The following TAFA1 variants were observed in gnomAD, a reference collection of about 807,000 sequenced individuals.
TAFA1 encodes the protein TAFA chemokine like family member 1, also known as chemokine-like protein TAFA-1.
A neutral mutation model predicts 18.5 loss-of-function variants in TAFA1; 4 were observed. The observed-to-expected ratio is 0.22, with a 90% CI of 0.11 to 0.49. The LOEUF is 0.49. TAFA1 is among the 20% of genes least tolerant of loss of function. TAFA1 has a pLI of 0.98. For missense variants in TAFA1, 147 were observed against 169.0 expected (o/e 0.87, Z 0.72); for synonymous variants, 56 against 55.2 (o/e 1.01, Z -0.06).
Position 68,538,824 on chromosome 3 carries a change from C to G in TAFA1, c.328C>G (p.Leu110Val). The change falls in exon 4 of 5, where the codon CTC (leucine) becomes GTC (valine). Residue 110 changes from leucine to valine, a missense_variant. Leu to Val is a conservative substitution (Grantham distance 32). Transcript: ENST00000478136. ...CCTAGAAGGAGAAGAATGTAAGACA[C>G]TCCCTGACAATTCTGGATGGATGTG... Reference protein sequence around the residue: ...PCLEGEECKTLPDNSGWMCAT... With the variant: ...PCLEGEECKTVPDNSGWMCAT... The G allele has an allele frequency of 6.2e-7, 1 of 1,613,532 alleles. No individual in the cohort carries two copies. Among genetic ancestry groups the G allele is most frequent in the Non-Finnish European group, 8.5e-7 (1 of 1,179,600 alleles).
At chr3:68,206,847 G>A (rs747143742) in intron 2 of TAFA1, among the ~76,000 whole-genome samples, 6 of 151,804 alleles carry the variant, frequency 4.0e-5, no homozygotes, top group Non-Finnish European at 5.9e-5. Flanking sequence ...ACCCTAGCCC[G>A]GAGAAAGAAA....
At chr3:68,302,873 G>C (rs749827677) in intron 2 of TAFA1, among the ~76,000 whole-genome samples, 5 of 152,082 alleles carry the variant, frequency 3.3e-5, no homozygotes, top group South Asian at 2.1e-4. Flanking sequence ...TCAAAATAAG[G>C]GTTCTAGAGC....
intron 2 of TAFA1, among the ~76,000 whole-genome samples, chr3:68,052,356 G>A (rs1184730034): frequency 6.6e-6 from 1 of 151,954 alleles, no homozygotes; most frequent in African/African-American, 2.4e-5. Context: ...TTTTGTTTTG[G>A]TACTCAAATT....
intron 2 of TAFA1, among the ~76,000 whole-genome samples, chr3:68,390,175 G>T (rs1252527807): frequency 6.6e-6 from 1 of 152,116 alleles, no homozygotes; most frequent in Non-Finnish European, 1.5e-5. Flanking sequence ...GGGGGAAGGG[G>T]CGTCCGCCAT....
At chr3:68,477,108 A>G (rs1417631160) in intron 3 of TAFA1, among the ~76,000 whole-genome samples, 2 of 152,068 alleles carry the variant, frequency 1.3e-5, no homozygotes, top group Non-Finnish European at 2.9e-5. Context: ...CTGACTTCTA[A>G]CACCATATAT....
chr3:68,506,214 T>C (rs2072750666), intron 3 of TAFA1, among the ~76,000 whole-genome samples: 2 of 152,162 alleles, frequency 1.3e-5, no homozygotes, highest in Non-Finnish European at 2.9e-5. Context: ...GCAAAGGACA[T>C]GAACTCATCC....
At chr3:68,233,068 T>C (rs1368974795) in intron 2 of TAFA1, among the ~76,000 whole-genome samples, 6 of 152,216 alleles carry the variant, frequency 3.9e-5, no homozygotes, top group Admixed American at 2.0e-4. Context: ...AGATGATATC[T>C]AATTGTGGTT....
chr3:68,013,211 T>A (rs1265969325), intron 2 of TAFA1, among the ~76,000 whole-genome samples: 1 of 152,170 alleles, frequency 6.6e-6, no homozygotes, highest in Non-Finnish European at 1.5e-5. Context: ...TTTGGTGGAA[T>A]CTTAAACTGT....
At chr3:68,106,170 A>G (rs6768833) in intron 2 of TAFA1, among the ~76,000 whole-genome samples, 74,125 of 151,718 alleles carry the variant, frequency 0.49, 18,864 homozygotes, top group South Asian at 0.63. Flanking sequence ...CAAAAAAAAA[A>G]GAACGAACGA....
chr3:68,152,696 C>T (rs1057256189), intron 2 of TAFA1, among the ~76,000 whole-genome samples: 4 of 152,142 alleles, frequency 2.6e-5, no homozygotes, highest in African/African-American at 9.7e-5. Flanking sequence ...CACCTCTCCT[C>T]TGTGTTGGCT....
chr3:68,329,079 C>A (rs1239437751), intron 2 of TAFA1, among the ~76,000 whole-genome samples: 5 of 150,466 alleles, frequency 3.3e-5, no homozygotes, highest in African/African-American at 4.9e-5. Context: ...TTGCTTGTGG[C>A]CACTTTTTTG....
At chr3:68,173,643 G>C (rs1318278592) in intron 2 of TAFA1, among the ~76,000 whole-genome samples, 1 of 152,126 alleles carries the variant, frequency 6.6e-6, no homozygotes, top group Non-Finnish European at 1.5e-5. Flanking sequence ...ATAGAATGGG[G>C]CATGGAGACC....
intron 2 of TAFA1, among the ~76,000 whole-genome samples, chr3:68,395,304 A>G (rs925551189): frequency 4.6e-5 from 7 of 152,174 alleles, no homozygotes; most frequent in Non-Finnish European, 2.9e-5. Context: ...GGTGCTGGAG[A>G]GGATGTGGAG....
intron 2 of TAFA1, among the ~76,000 whole-genome samples, chr3:68,149,193 A>G (rs931695057): frequency 6.6e-6 from 1 of 152,138 alleles, no homozygotes; most frequent in Non-Finnish European, 1.5e-5. Flanking sequence ...AATTTTCCCT[A>G]AGTGCTTACT....
intron 3 of TAFA1, among the ~76,000 whole-genome samples, chr3:68,535,278 A>T (rs2106782908): frequency 6.6e-6 from 1 of 152,052 alleles, no homozygotes; most frequent in East Asian, 1.9e-4. Flanking sequence ...CTCTTATGTA[A>T]TATTGTCATC....
chr3:68,292,335 G>A (rs953503735), intron 2 of TAFA1, among the ~76,000 whole-genome samples: 1 of 148,338 alleles, frequency 6.7e-6, no homozygotes, highest in African/African-American at 2.5e-5. Context: ...CATTGCTTGA[G>A]CCCGACAGAT....
chr3:68,328,553 G>A (rs2068812126), intron 2 of TAFA1, among the ~76,000 whole-genome samples: 1 of 152,104 alleles, frequency 6.6e-6, no homozygotes, highest in Non-Finnish European at 1.5e-5. Flanking sequence ...TTTCAACCTT[G>A]GTGGATTATC....
At chr3:68,238,852 TA>T (rs890384680) in intron 2 of TAFA1, among the ~76,000 whole-genome samples, 27 of 152,316 alleles carry the variant, frequency 1.8e-4, no homozygotes, top group African/African-American at 6.5e-4. Flanking sequence ...AATGAGTATT[TA>T]AACCCATAGT....
At chr3:68,331,139 C>T (rs973304113) in intron 2 of TAFA1, among the ~76,000 whole-genome samples, 2 of 152,090 alleles carry the variant, frequency 1.3e-5, no homozygotes, top group Admixed American at 6.5e-5. Flanking sequence ...CATGCTATAA[C>T]ATGGAAGAAC....
Sources: allele counts gnomAD v4.1 joint callset (sites outside exome capture counted in the v4.1 genomes callset), GRCh38; gene constraint gnomAD v4.1.1; transcripts MANE v1.5; gene names NCBI Gene and HGNC (gene_info 2026-07-23, HGNC 2026-07-21).